Variants in KRT82 observed in about 807,000 individuals in gnomAD.
KRT82 encodes keratin, type II cuticular Hb2.
KRT82 carries 44 observed loss-of-function variants against 48.0 expected under a neutral mutation model. The ratio of observed to expected loss-of-function variants is 0.92; its 90% CI spans 0.72 to 1.18. KRT82 has a LOEUF of 1.18. Ranked by LOEUF, KRT82 falls within the 50% of genes most tolerant of loss-of-function variation. KRT82 has a pLI of 0.00. For missense variants in KRT82, 701 were observed against 671.4 expected, an observed-to-expected ratio of 1.04 and a Z score of -0.49; for synonymous variants, 297 against 278.3, an observed-to-expected ratio of 1.07 and a Z score of -0.67.
At chr12:52,403,074 C>T (rs1428776653) in intron 2 of KRT82, among the ~76,000 whole-genome samples, 1 of 152,210 alleles carries the variant, frequency 6.6e-6, no homozygotes, top group East Asian at 1.9e-4. Flanking sequence ...TATCAACCAC[C>T]TACTCCAAGC....
chr12:52,395,630 GCAGA>G, intron 8 of KRT82, 125 bp downstream of exon 8: 1 of 674,276 alleles, frequency 1.5e-6, no homozygotes, highest in South Asian at 2.0e-5. Flanking sequence ...GGAGCTCACG[GCAGA>G]CAGAGCTCTT....
In KRT82 at chr12:52,396,023, A is replaced by G. The variant is rs745784738; in HGVS notation, c.1278T>C (p.Gly426=). ...EIATYRRLLE[G]EEHRLCEGIG... ...CTGGAGGAGCTCACCTGTGCTCTTC[A>G]CCCTCCAGCAGGCGCCTGTAGGTGG... Residue 426 remains glycine, a synonymous_variant, in exon 7 of 9, where the codon GGT becomes GGC. Transcript: ENST00000257974. 8.7e-5 allele frequency: 140 copies of G among 1,613,582 alleles called. No homozygotes were observed. The highest frequency in any genetic ancestry group is 2.7e-4 in the Admixed American group (16 of 59,972).
chr12:52,400,433 C>T (rs1437007758), intron 4 of KRT82, 94 bp downstream of exon 4: 1 of 952,198 alleles, frequency 1.1e-6, no homozygotes, highest in Non-Finnish European at 1.7e-6. Flanking sequence ...TCCATGCTTG[C>T]CCTGAAATGT....
intron 6 of KRT82, 47 bp from the exon 7 acceptor site, chr12:52,396,279 A>G: frequency 6.5e-7 from 1 of 1,545,304 alleles, no homozygotes; most frequent in Non-Finnish European, 8.8e-7. Flanking sequence ...CTGGAGCCCC[A>G]AGCCAGACTC....
Position 52,395,795 on chromosome 12 carries a change from G to A in KRT82, c.1290-5C>T, listed in dbSNP as rs772831014. 6.5e-7 allele frequency: 1 copy of A among 1,549,218 alleles called. No individual in the cohort carries two copies. Among genetic ancestry groups the A allele is most frequent in the South Asian group, 1.2e-5 (1 of 80,020 alleles). ...GGCCCGATGCCTTCGCACAGCCTGG[G>A]GATGAGAGGAAAAAGAAAACAGGTA... On this transcript the variant is annotated splice_region_variant and splice_polypyrimidine_tract_variant and intron_variant, in intron 7 of 8. Transcript: ENST00000257974.
rs1592155820 is a variant in KRT82 at position 52,405,758 on chromosome 12, C to T, written c.411+109G>A. 2.6e-6 allele frequency: 3 copies of T among 1,158,910 alleles called. No homozygotes were observed. The South Asian group carries it at 4.7e-5, about 18-fold the overall frequency. 71.8% of individuals were successfully genotyped at this position (1,158,910 alleles called of 1,614,324 possible). On this transcript the variant is annotated intron_variant, in intron 1 of 8. Transcript: ENST00000257974. ...AATGTGAGGGAGGCCACTGGATAAA[C>T]TGAGGCCTCCTCAATGTCAGTCTCC...
chr12:52,394,966 C>G lies in KRT82; in HGVS notation c.*9G>C. On this transcript the variant is annotated 3_prime_UTR_variant, in exon 9 of 9. Transcript: ENST00000257974. ...CAGGGGCTCTGTCTCCTGGATGTCT[C>G]GGATCATGCTAATGCTTGTGGCTGG... The G allele has an allele frequency of 5.0e-6, 8 of 1,611,760 alleles. No homozygotes were observed. Among genetic ancestry groups the G allele is most frequent in the Non-Finnish European group, 6.8e-6 (8 of 1,178,162 alleles).
chr12:52,400,196 G>A (rs776479984), intron 4 of KRT82, 47 bp from the exon 5 acceptor site: 84 of 1,573,118 alleles, frequency 5.3e-5, no homozygotes, highest in South Asian at 1.4e-4. Flanking sequence ...CTGAGCGTCC[G>A]GGGACAGGAG....
rs1431783412 is a variant in KRT82 at position 52,394,913 on chromosome 12, TG to T, written c.*61del. 49 of 1,377,108 alleles carry T rather than the reference TG, an allele frequency of 3.6e-5. No homozygotes were observed. The highest frequency in any genetic ancestry group is 4.9e-5 in the Non-Finnish European group (47 of 967,356). 85.3% of individuals were successfully genotyped at this position (1,377,108 alleles called of 1,614,324 possible). A position where few individuals can be genotyped will look rare whatever the true frequency, so the allele number is the denominator to read the frequency against. ...GGAACATCCTTGTCTTCAGCCCTGG[TG>T]GGAGTGTGACATCCAGGGCCATGGG... On this transcript the variant is annotated 3_prime_UTR_variant, in exon 9 of 9. Transcript: ENST00000257974.
intron 2 of KRT82, among the ~76,000 whole-genome samples, chr12:52,403,361 G>A (rs571029304): frequency 3.5e-4 from 54 of 152,316 alleles, no homozygotes; most frequent in African/African-American, 1.3e-3. Context: ...ATCTGTCTGT[G>A]GAATAGGAAG....
intron 5 of KRT82, 90 bp downstream of exon 5, chr12:52,399,895 C>G: frequency 7.4e-7 from 1 of 1,352,216 alleles, no homozygotes; most frequent in Non-Finnish European, 1.0e-6. Flanking sequence ...TAGCTCCTCA[C>G]CCACTTCTGC....
At chr12:52,395,662 G>C in intron 8 of KRT82, 97 bp downstream of exon 8, 1 of 839,086 alleles carries the variant, frequency 1.2e-6, no homozygotes, top group South Asian at 1.7e-5. Flanking sequence ...GGTAGGGGAG[G>C]CATCAGAGGT....
At position 52,400,036 on chromosome 12, in the gene KRT82, G is replaced by T; in HGVS notation, c.891C>A (p.Asp297Glu). Residue 297 changes from aspartate to glutamate, a missense_variant, in exon 5 of 9, where the codon GAC (aspartate) becomes GAA (glutamate). Asp to Glu is a conservative substitution (Grantham distance 45). Transcript: ENST00000257974. ...CGGCTTTGCTGCGGCTGGCGATGTC[G>T]TCATACTGCGCCTTGATCTCAGCGA... ...GIIAEIKAQY[D>E]DIASRSKAEA... The T allele has an allele frequency of 6.2e-7, 1 of 1,614,154 alleles. No individual in the cohort carries two copies. Among genetic ancestry groups the T allele is most frequent in the South Asian group, 1.1e-5 (1 of 91,074 alleles).
chr12:52,396,785 T>C (rs924046704), intron 6 of KRT82, 98 bp downstream of exon 6: 3 of 1,367,734 alleles, frequency 2.2e-6, no homozygotes, highest in Admixed American at 3.6e-5. Context: ...CCCTCTTCAA[T>C]GGCACTCACA....
Position 52,394,159 on chromosome 12 carries a change from G to C in KRT82, c.*816C>G, listed in dbSNP as rs193274974. On this transcript the variant is annotated 3_prime_UTR_variant, in exon 9 of 9. Transcript: ENST00000257974. ...AGACTCAAAGCAAAAGGAGCTAAAG[G>C]GTTGGGGAACAGGAAGGGGCGGCTA... 6.6e-6 allele frequency: 1 copy of C among 152,344 alleles called. No individual in the cohort carries two copies. The highest frequency in any genetic ancestry group is 1.5e-5 in the Non-Finnish European group (1 of 68,106). The allele number at this position is 152,344 out of a possible 1,614,324, so 9.4% of individuals were successfully genotyped here. A position where few individuals can be genotyped will look rare whatever the true frequency, so the allele number is the denominator to read the frequency against.
In KRT82 at chr12:52,406,128, G is replaced by A. The variant is rs772259336; in HGVS notation, c.150C>T (p.Gly50=). ...PGGGRGLRAL[G]CLGSRSLCNV... is the part of the protein sequence containing the mutation. ...TGCACAGGCTCCGTGAGCCAAGGCAGCCCAGAGCTCGGAGGCCCCTACCAC... is the reference window on the plus strand; with the variant it reads ...TGCACAGGCTCCGTGAGCCAAGGCAACCCAGAGCTCGGAGGCCCCTACCAC... Residue 50 remains glycine (G), a synonymous_variant, in exon 1 of 9, where the codon GGC becomes GGT. Transcript: ENST00000257974. 2 of 1,612,996 alleles carry A rather than the reference G, an allele frequency of 1.2e-6. No individual in the cohort carries two copies. Among genetic ancestry groups the A allele is most frequent in the Non-Finnish European group, 1.7e-6 (2 of 1,179,794 alleles).
chr12:52,403,819 TG>T lies in KRT82; in HGVS notation c.501del (p.Ile168SerfsTer21). On this transcript the variant is annotated frameshift_variant, in exon 2 of 9. Transcript: ENST00000257974. LOFTEE classifies it high-confidence loss of function. The stretch of plus-strand genomic sequence containing the variant: ...AGGGCGCTGATATAGCCCTCGAAGA[TG>T]GGCTCGATGTTGGTCTGGCAGCACC... ...QQRCCQTNIE[P>X]IFEGYISALR... 2 of 1,613,782 alleles carry T rather than the reference TG, an allele frequency of 1.2e-6. No homozygotes were observed. Among genetic ancestry groups the T allele is most frequent in the African/African-American group, 1.3e-5 (1 of 75,048 alleles).
rs755980332 is a variant in KRT82, at chr12:52,401,270, C to T, written c.681+19G>A. On this transcript the variant is annotated intron_variant, in intron 3 of 8. Coordinates refer to ENST00000257974, the MANE Select transcript of KRT82 (RefSeq NM_033033.4). ...GCAGGCCAGCTCAGGGGCTCTGCCT[C>T]TCTGAGCTTCCTCCTTACCTTCTTC... The T allele has an allele frequency of 1.2e-6, 2 of 1,613,078 alleles. No homozygotes were observed. Among genetic ancestry groups the T allele is most frequent in the Non-Finnish European group, 1.7e-6 (2 of 1,179,066 alleles).
intron 5 of KRT82, among the ~76,000 whole-genome samples, chr12:52,397,708 G>A (rs889640894): frequency 2.0e-5 from 3 of 152,186 alleles, no homozygotes; most frequent in Non-Finnish European, 2.9e-5. Context: ...GTTACAGTAG[G>A]AAAGTCTGCA....
Sources: allele counts gnomAD v4.1 joint callset (sites outside exome capture counted in the v4.1 genomes callset), GRCh38; gene constraint gnomAD v4.1.1; transcripts MANE v1.5; gene names NCBI Gene and HGNC (gene_info 2026-07-23, HGNC 2026-07-21).